ADCY3: variants seen among roughly 807,000 people sequenced by gnomAD.
ADCY3 encodes adenylate cyclase 3.
ADCY3 carries 70 observed loss-of-function variants against 119.4 expected under a neutral mutation model. That is an observed-to-expected ratio of 0.59 (90% CI 0.48 to 0.72). The LOEUF (loss-of-function observed/expected upper bound fraction) is 0.72, where lower values mean the gene tolerates loss of function less well. Among genes scored for constraint, ADCY3 ranks in the 30% least tolerant of loss-of-function variants. ADCY3 has a pLI of 0.00. For missense variants in ADCY3, 1,238 were observed against 1,541.6 expected, an observed-to-expected ratio of 0.80 and a Z score of 3.30; for synonymous variants, 672 against 621.4, an observed-to-expected ratio of 1.08 and a Z score of -1.21.
rs941240822 is a variant in ADCY3 at position 24,834,288 on chromosome 2, G to A, written c.1967+197C>T. Among the ~76,000 whole-genome samples, 7 of 152,288 alleles carry A rather than the reference G, an allele frequency of 4.6e-5. No individual in the cohort carries two copies. The highest frequency in any genetic ancestry group is 4.1e-4 in the South Asian group (2 of 4,826). ...TGACGCTAGGACTGCTCCAAAACGC[G>A]GGGCAGGGAAAAGGAAGGATGCCCA... On this transcript the variant is annotated intron_variant, in intron 11 of 21. Coordinates refer to ENST00000679454, the MANE Select transcript of ADCY3 (RefSeq NM_004036.5). This position sits in a 1 kb window ranked among gnomAD's most constrained non-coding sequence, Gnocchi z 4.2.
chr2:24,856,539 G>A (rs1673021843), intron 3 of ADCY3, among the ~76,000 whole-genome samples: 1 of 152,214 alleles, frequency 6.6e-6, no homozygotes, highest in African/African-American at 2.4e-5. Flanking sequence ...GCTGTGGGAG[G>A]CAGGGAATGG....
chr2:24,821,695 C>G lies in ADCY3; in HGVS notation c.3004-55G>C, dbSNP rs1667743121. 2.5e-6 allele frequency: 4 copies of G among 1,591,502 alleles called. No homozygotes were observed. The South Asian group carries it at 4.5e-5, about 18-fold the overall frequency. On this transcript the variant is annotated intron_variant, in intron 19 of 21. Transcript: ENST00000679454. ...AGGGGCCGCTCACTGCAGCAGCCTG[C>G]TCTGCTGCCTTCCCTGGCAGTGTTC...
At chr2:24,916,773 C>T (rs1664512114) in intron 2 of ADCY3, among the ~76,000 whole-genome samples, 1 of 152,200 alleles carries the variant, frequency 6.6e-6, no homozygotes, top group South Asian at 2.1e-4. Context: ...CTCACAGCCC[C>T]CTCTACAGAG....
Position 24,853,005 on chromosome 2 carries a change from G to GGTGT in ADCY3, c.826-10625_826-10622dup, listed in dbSNP as rs58904311. ...ATTTGAAGGAAAGGAACAGCTGGAG[G>GGTGT]GTGTGTGTGTGTGTGTGTGTGTGTG... On this transcript the variant is annotated intron_variant, in intron 3 of 21. Coordinates refer to ENST00000679454, the MANE Select transcript of ADCY3 (RefSeq NM_004036.5). Among the ~76,000 whole-genome samples, 560 of 95,292 alleles carry GGTGT rather than the reference G, an allele frequency of 5.9e-3. 9 individuals are homozygous for GGTGT. The highest frequency in any genetic ancestry group is 0.015 in the East Asian group (50 of 3,306). The allele number at this position is 95,292 out of a possible 152,430, so 62.5% of individuals were successfully genotyped here.
At position 24,830,744 on chromosome 2, in the gene ADCY3, T is replaced by G; in HGVS notation, c.2137A>C (p.Ile713Leu). 1 of 1,614,078 alleles carries G rather than the reference T, an allele frequency of 6.2e-7. No individual in the cohort carries two copies. The highest frequency in any genetic ancestry group is 8.5e-7 in the Non-Finnish European group (1 of 1,180,004). ...ACATTTGCCATCACCAGGATGAAGA[T>G]GGCGAGCATGGCCCAGGTGTTCCTG... ...WARNTWAMLAIFILVMANVVD... is the reference protein window; with the variant it reads ...WARNTWAMLALFILVMANVVD... Residue 713 changes from isoleucine (I) to leucine (L), a missense_variant, in exon 13 of 22, where the codon ATC becomes CTC. By Grantham distance (5) the Ile-to-Leu change is conservative (BLOSUM62 2). This residue lies in a region of ADCY3 where 499 missense variants were observed against 571.0 expected (regional missense o/e 0.87). Coordinates refer to ENST00000679454, the MANE Select transcript of ADCY3 (RefSeq NM_004036.5).
intron 3 of ADCY3, among the ~76,000 whole-genome samples, chr2:24,851,123 T>G (rs1218086923): frequency 6.6e-6 from 1 of 152,192 alleles, no homozygotes; most frequent in African/African-American, 2.4e-5. Context: ...TCGGCTTCTC[T>G]GGAAGGACCA....
intron 3 of ADCY3, among the ~76,000 whole-genome samples, chr2:24,847,777 G>C (rs1448828533): frequency 1.3e-5 from 2 of 152,232 alleles, no homozygotes; most frequent in African/African-American, 4.8e-5. Context: ...GCCAGAGATG[G>C]GGCCCCACCA....
intron 2 of ADCY3, among the ~76,000 whole-genome samples, chr2:24,912,367 G>C (rs1047876901): frequency 6.6e-6 from 1 of 152,100 alleles, no homozygotes. Flanking sequence ...TAATTTGGTG[G>C]GGGGGCAGCC....
rs143313188 is a variant in ADCY3 at position 24,918,677 on chromosome 2, T to C, written c.311A>G (p.Lys104Arg). ...VMCAVVFSSD[K>R]LASLAVAGIG... ...TCCAGCCACGGCGAGGGAAGCCAGC[T>C]TGTCGCTGGAGAAGACCACAGCACA... The change falls in exon 2 of 22, where the codon AAG (lysine) becomes AGG (arginine). Residue 104 changes from lysine to arginine, a missense_variant. By Grantham distance (26) the Lys-to-Arg change is conservative. Transcript: ENST00000679454. The surrounding 1 kb of genome is among the most constrained non-coding windows in gnomAD (Gnocchi z 5.4). The C allele has an allele frequency of 1.5e-4, 246 of 1,613,960 alleles. No individual in the cohort carries two copies. The highest frequency in any genetic ancestry group is 2.0e-4 in the Non-Finnish European group (235 of 1,180,004).
chr2:24,871,182 C>T (rs564495379), intron 3 of ADCY3, among the ~76,000 whole-genome samples: 8 of 150,066 alleles, frequency 5.3e-5, no homozygotes, highest in African/African-American at 9.9e-5. Context: ...CTCCACAGTG[C>T]GAGATCAGAT....
chr2:24,821,847 G>T (rs915085256), intron 19 of ADCY3: 8 of 648,846 alleles, frequency 1.2e-5, no homozygotes, highest in Non-Finnish European at 1.8e-5. Context: ...GCAAAGACTG[G>T]GCAATTGAGC....
chr2:24,890,584 A>T (rs1480942964), intron 2 of ADCY3, among the ~76,000 whole-genome samples: 1 of 152,208 alleles, frequency 6.6e-6, no homozygotes, highest in African/African-American at 2.4e-5. Context: ...GTATTGGCAC[A>T]GAGTTGTTTA....
chr2:24,905,433 C>T (rs529763835), intron 2 of ADCY3, among the ~76,000 whole-genome samples: 3 of 152,256 alleles, frequency 2.0e-5, no homozygotes, highest in Admixed American at 6.5e-5. Flanking sequence ...TGTGCCCAGC[C>T]GTTTTTACAT....
intron 12 of ADCY3, among the ~76,000 whole-genome samples, chr2:24,831,230 T>A (rs1250841221): frequency 2.7e-5 from 4 of 147,482 alleles, no homozygotes; most frequent in African/African-American, 2.5e-5. Flanking sequence ...TCATTCTGAT[T>A]AAAAAAAAAA....
chr2:24,861,767 A>G (rs141873499), intron 3 of ADCY3, among the ~76,000 whole-genome samples: 238 of 152,264 alleles, frequency 1.6e-3, no homozygotes, highest in South Asian at 4.3e-3. Context: ...GGAAGAGAGA[A>G]GGGGAAGGAT....
chr2:24,858,031 C>T (rs7602614), intron 3 of ADCY3, among the ~76,000 whole-genome samples: 5,192 of 143,704 alleles, frequency 0.036, 333 homozygotes, highest in African/African-American at 0.13. Context: ...GACAGGGTCC[C>T]GCTGTCTCCC....
chr2:24,824,665 G>A (rs535828139), intron 16 of ADCY3, 129 bp from the exon 17 acceptor site: 186 of 958,784 alleles, frequency 1.9e-4, no homozygotes, highest in Admixed American at 9.0e-4. Flanking sequence ...GAGGCAGGCG[G>A]ATCACCTGAG....
intron 2 of ADCY3, among the ~76,000 whole-genome samples, chr2:24,876,586 T>C (rs914063262): frequency 6.6e-6 from 1 of 152,192 alleles, no homozygotes; most frequent in Non-Finnish European, 1.5e-5. Context: ...TCTTTCAGCA[T>C]GAGCAGGGCC....
intron 11 of ADCY3, 41 bp from the exon 12 acceptor site, chr2:24,831,790 C>T: frequency 7.3e-7 from 1 of 1,370,644 alleles, no homozygotes. Context: ...CCAGAGGGGA[C>T]AGTGAGATGG....
Sources: gnomAD v4.1 joint callset for allele counts (sites outside exome capture counted in the v4.1 genomes callset) on GRCh38, gnomAD v4.1.1 for gene constraint, gnomAD v4.1.1 regional missense constraint, Gnocchi (gnomAD v3.1) non-coding constraint, MANE v1.5 for transcripts, NCBI Gene and HGNC (gene_info 2026-07-23, HGNC 2026-07-21) for gene names.